CCDC148: variants seen among roughly 807,000 people sequenced by gnomAD.
CCDC148 encodes the protein coiled-coil domain-containing protein 148.
A neutral mutation model predicts 85.7 loss-of-function variants in CCDC148; 89 were observed. The observed-to-expected ratio is 1.04, with a 90% CI of 0.87 to 1.24. CCDC148 has a LOEUF of 1.24. CCDC148 is among the 50% of genes most tolerant of loss of function. CCDC148 has a pLI of 0.00. For missense variants in CCDC148, 692 were observed against 671.7 expected, an observed-to-expected ratio of 1.03 and a Z score of -0.33; for synonymous variants, 230 against 213.9, an observed-to-expected ratio of 1.08 and a Z score of -0.66.
At chr2:158,298,163 G>C (rs1489710325) in intron 9 of CCDC148, among the ~76,000 whole-genome samples, 1 of 152,238 alleles carries the variant, frequency 6.6e-6, no homozygotes, top group South Asian at 2.1e-4. Context: ...TAGGAGAACA[G>C]GATGGGGGAA....
intron 1 of CCDC148, among the ~76,000 whole-genome samples, chr2:158,422,729 G>A (rs1220244204): frequency 1.3e-5 from 2 of 152,108 alleles, no homozygotes; most frequent in Non-Finnish European, 2.9e-5. Flanking sequence ...GGAAGTTCTG[G>A]CCCGAGCAAT....
intron 11 of CCDC148, chr2:158,207,703 C>G (rs1558982165): frequency 1.3e-5 from 2 of 152,072 alleles, no homozygotes; most frequent in Admixed American, 6.5e-5. Flanking sequence ...CAGATGAAAT[C>G]CAAGGAATTC....
At chr2:158,222,051 T>C (rs1296936039) in intron 10 of CCDC148, among the ~76,000 whole-genome samples, 1 of 152,242 alleles carries the variant, frequency 6.6e-6, no homozygotes, top group Admixed American at 6.5e-5. Flanking sequence ...ATCTTTATTT[T>C]ATTCTTTTCT....
intron 10 of CCDC148, among the ~76,000 whole-genome samples, chr2:158,240,452 T>TCTCTCTCACACA (rs941238898): frequency 0.14 from 17,133 of 120,120 alleles, 1,566 homozygotes; most frequent in East Asian, 0.38. Context: ...TCTCTCTCTC[T>TCTCTCTCACACA]CACACACACA....
At chr2:158,341,348 C>A (rs1682685701) in intron 3 of CCDC148, among the ~76,000 whole-genome samples, 1 of 150,602 alleles carries the variant, frequency 6.6e-6, no homozygotes, top group African/African-American at 2.5e-5. Flanking sequence ...GCTTGATCGC[C>A]CAGGCTGGAG....
intron 1 of CCDC148, among the ~76,000 whole-genome samples, chr2:158,384,210 C>A (rs1425692205): frequency 6.6e-6 from 1 of 152,150 alleles, no homozygotes; most frequent in Non-Finnish European, 1.5e-5. Flanking sequence ...ATAAAGGTAC[C>A]TTTCTTCCTA....
chr2:158,319,720 C>T (rs775861687), intron 7 of CCDC148, among the ~76,000 whole-genome samples: 15 of 152,128 alleles, frequency 9.9e-5, no homozygotes, highest in Non-Finnish European at 1.6e-4. Context: ...ACTTTTTAAA[C>T]ATAGCATCTT....
chr2:158,188,431 A>T (rs1685256662), intron 11 of CCDC148, among the ~76,000 whole-genome samples: 1 of 151,906 alleles, frequency 6.6e-6, no homozygotes, highest in East Asian at 1.9e-4. Flanking sequence ...TATTTTTTTT[A>T]AATATGTGTC....
rs111840186 is a variant in CCDC148, at chr2:158,349,065, C to T, written c.148-3747G>A. ...CACTTCAGTCTTATATAGCTGGCAT[C>T]GCAGAAATTGTGCATGATCAATGAC... On this transcript the variant is annotated intron_variant, in intron 2 of 13. Transcript: ENST00000283233. Among the ~76,000 whole-genome samples, 391 of 151,962 alleles carry T rather than the reference C, an allele frequency of 2.6e-3. 1 individual carries two copies. The highest frequency in any genetic ancestry group is 8.7e-3 in the African/African-American group (363 of 41,508).
At chr2:158,387,569 C>T (rs1210796000) in intron 1 of CCDC148, among the ~76,000 whole-genome samples, 1 of 152,148 alleles carries the variant, frequency 6.6e-6, no homozygotes, top group African/African-American at 2.4e-5. Context: ...CCCCTGCCTT[C>T]ACTCACATGA....
At chr2:158,433,067 A>T (rs1687429863) in intron 1 of CCDC148, among the ~76,000 whole-genome samples, 1 of 100,284 alleles carries the variant, frequency 1.0e-5, no homozygotes. Context: ...GCAAAACCTC[A>T]TCTCTACAAA....
chr2:158,248,751 G>A (rs1688672955), intron 10 of CCDC148, among the ~76,000 whole-genome samples: 1 of 152,090 alleles, frequency 6.6e-6, no homozygotes, highest in Non-Finnish European at 1.5e-5. Context: ...TGCATTCTAA[G>A]ATGAGGAGAG....
intron 10 of CCDC148, among the ~76,000 whole-genome samples, chr2:158,222,025 C>T (rs1410151294): frequency 6.6e-6 from 1 of 152,158 alleles, no homozygotes; most frequent in East Asian, 1.9e-4. Context: ...TCATCTCCAT[C>T]TGGGAATTAT....
chr2:158,305,386 T>C lies in CCDC148; in HGVS notation c.1110+4047A>G, dbSNP rs565244141. On this transcript the variant is annotated intron_variant, in intron 9 of 13. Coordinates refer to ENST00000283233, the MANE Select transcript of CCDC148 (RefSeq NM_138803.4). ...GCCTGAGACTGAGGTTGAACCAGTA[T>C]TGCAGAATGCCCCTTCCGCTACCAG... is the stretch of plus-strand genomic sequence containing the variant. 2.0e-5 allele frequency among the ~76,000 whole-genome samples: 3 copies of C among 152,264 alleles called. No individual in the cohort carries two copies. The South Asian group carries it at 6.2e-4, about 32-fold the overall frequency.
chr2:158,296,500 G>A (rs1315939676), intron 9 of CCDC148, among the ~76,000 whole-genome samples: 1 of 152,080 alleles, frequency 6.6e-6, no homozygotes, highest in Non-Finnish European at 1.5e-5. Context: ...CCAACTCCAA[G>A]TTGTAACTTC....
intron 1 of CCDC148, among the ~76,000 whole-genome samples, chr2:158,374,361 TAAG>T (rs1362419126): frequency 2.0e-5 from 3 of 152,154 alleles, no homozygotes; most frequent in Middle Eastern, 3.4e-3. Context: ...AGCTTGGGGT[TAAG>T]AAGGAGATTC....
intron 10 of CCDC148, among the ~76,000 whole-genome samples, chr2:158,232,597 C>T (rs1387324961): frequency 1.3e-5 from 2 of 152,122 alleles, no homozygotes; most frequent in African/African-American, 4.8e-5. Context: ...TCTTATTTCA[C>T]GCTTGTGTGA....
chr2:158,409,372 G>C (rs554401456), intron 1 of CCDC148, among the ~76,000 whole-genome samples: 56 of 152,324 alleles, frequency 3.7e-4, no homozygotes, highest in Non-Finnish European at 6.9e-4. Flanking sequence ...AGCTGCCCAA[G>C]GTTGTTGGAG....
chr2:158,372,497 A>G (rs1050417013), intron 1 of CCDC148, among the ~76,000 whole-genome samples: 3 of 152,054 alleles, frequency 2.0e-5, no homozygotes, highest in African/African-American at 7.2e-5. Context: ...GCCATTTTGG[A>G]CATGCTTAAA....
Sources: gnomAD v4.1 joint callset for allele counts (sites outside exome capture counted in the v4.1 genomes callset) on GRCh38, gnomAD v4.1.1 for gene constraint, MANE v1.5 for transcripts, NCBI Gene and HGNC (gene_info 2026-07-23, HGNC 2026-07-21) for gene names.